PDE4D: variants seen among roughly 807,000 people sequenced by gnomAD.
PDE4D encodes the protein phosphodiesterase 4D.
Under a neutral mutation model 87.4 loss-of-function variants are expected in PDE4D, and 24 were observed. That is an observed-to-expected ratio of 0.27 (90% CI 0.20 to 0.39). The LOEUF (loss-of-function observed/expected upper bound fraction) is 0.39. PDE4D is among the 10% of genes least tolerant of loss of function. The pLI, the probability that PDE4D is intolerant of heterozygous loss-of-function variation, is 1.00. For missense variants in PDE4D, 714 were observed against 1,041.0 expected (o/e 0.69, Z 4.32); for synonymous variants, 384 against 383.2 (o/e 1.00, Z -0.02).
intron 1 of PDE4D, among the ~76,000 whole-genome samples, chr5:59,781,281 C>CTA: frequency 6.7e-6 from 1 of 150,346 alleles, no homozygotes; most frequent in East Asian, 2.0e-4. Context: ...TATGTAGGAA[C>CTA]TATGTCTTAC....
intron 3 of PDE4D, among the ~76,000 whole-genome samples, chr5:59,899,124 T>G (rs1014076910): frequency 5.9e-5 from 9 of 152,190 alleles, no homozygotes; most frequent in Non-Finnish European, 1.2e-4. Flanking sequence ...CATACATTAT[T>G]TTATTTAATT....
At chr5:59,387,564 G>A (rs771165967) in intron 1 of PDE4D, among the ~76,000 whole-genome samples, 56 of 152,152 alleles carry the variant, frequency 3.7e-4, no homozygotes, top group African/African-American at 5.3e-4. Context: ...TTAGGGTGGC[G>A]TATGGTTAGG....
At chr5:59,405,746 G>C (rs549574159) in intron 1 of PDE4D, among the ~76,000 whole-genome samples, 1 of 152,172 alleles carries the variant, frequency 6.6e-6, no homozygotes. Flanking sequence ...TATCATGAAG[G>C]GATGTTGAAT....
At chr5:60,394,879 T>A (rs1461521564) in intron 1 of PDE4D, among the ~76,000 whole-genome samples, 1 of 152,204 alleles carries the variant, frequency 6.6e-6, no homozygotes. Flanking sequence ...GTTTTCCACA[T>A]CTTGCTCCGG....
intron 1 of PDE4D, among the ~76,000 whole-genome samples, chr5:60,274,363 T>C (rs774078766): frequency 1.3e-5 from 2 of 151,446 alleles, no homozygotes; most frequent in African/African-American, 4.9e-5. Flanking sequence ...TTGTTGTTGT[T>C]GTTGTTTTGA....
chr5:60,351,739 T>G (rs1759210206), intron 1 of PDE4D, among the ~76,000 whole-genome samples: 1 of 152,090 alleles, frequency 6.6e-6, no homozygotes, highest in African/African-American at 2.4e-5. Flanking sequence ...AAGCAATGAA[T>G]AGTCTCTCAC....
chr5:60,510,253 C>A (rs1352678259), intron 1 of PDE4D, among the ~76,000 whole-genome samples: 1 of 152,176 alleles, frequency 6.6e-6, no homozygotes, highest in Non-Finnish European at 1.5e-5. Flanking sequence ...AGAAAGAGAA[C>A]ACAGAAAGGA....
chr5:59,904,591 A>T (rs1162549077), intron 3 of PDE4D, among the ~76,000 whole-genome samples: 1 of 152,296 alleles, frequency 6.6e-6, no homozygotes, highest in South Asian at 2.1e-4. Context: ...AGTGATAACA[A>T]ATGTGATACT....
At chr5:60,453,455 T>C (rs1350163852) in intron 1 of PDE4D, among the ~76,000 whole-genome samples, 2 of 152,136 alleles carry the variant, frequency 1.3e-5, no homozygotes, top group African/African-American at 4.8e-5. Context: ...AAAGAGATCA[T>C]AAATGTCTTA....
intron 5 of PDE4D, among the ~76,000 whole-genome samples, chr5:59,177,108 C>T (rs1400793289): frequency 6.6e-6 from 1 of 152,088 alleles, no homozygotes; most frequent in Non-Finnish European, 1.5e-5. Context: ...ATATCCTAAC[C>T]CAATATGTGT....
intron 11 of PDE4D, among the ~76,000 whole-genome samples, chr5:58,982,253 G>C (rs1030930158): frequency 6.6e-6 from 1 of 152,164 alleles, no homozygotes; most frequent in Non-Finnish European, 1.5e-5. Flanking sequence ...TGCTGATTCA[G>C]AGCATATATG....
chr5:59,877,966 A>G (rs1042989439), intron 1 of PDE4D, among the ~76,000 whole-genome samples: 6 of 152,188 alleles, frequency 3.9e-5, no homozygotes, highest in African/African-American at 1.4e-4. Context: ...CAGTGTTTGA[A>G]GAATTTCCAG....
intron 1 of PDE4D, among the ~76,000 whole-genome samples, chr5:60,212,595 C>G (rs1303148456): frequency 1.3e-5 from 2 of 152,072 alleles, no homozygotes; most frequent in Non-Finnish European, 2.9e-5. Context: ...ATGGAAAAAG[C>G]CTGCCTAACA....
chr5:59,164,438 G>A (rs1167382967), intron 5 of PDE4D, among the ~76,000 whole-genome samples: 3 of 152,146 alleles, frequency 2.0e-5, no homozygotes, highest in Non-Finnish European at 2.9e-5. Context: ...CAGATGCTAG[G>A]TTTCGTGCTT....
At chr5:60,294,217 T>A (rs1562296296) in intron 1 of PDE4D, among the ~76,000 whole-genome samples, 1 of 152,180 alleles carries the variant, frequency 6.6e-6, no homozygotes, top group African/African-American at 2.4e-5. Context: ...TCATTGGCCA[T>A]TTGTATATTT....
intron 1 of PDE4D, among the ~76,000 whole-genome samples, chr5:59,229,727 A>G (rs1262857448): frequency 6.6e-6 from 1 of 152,230 alleles, no homozygotes; most frequent in Admixed American, 6.5e-5. Flanking sequence ...AGGTAATTAC[A>G]TATCAGGAAA....
intron 1 of PDE4D, among the ~76,000 whole-genome samples, chr5:60,244,537 G>A (rs1747489362): frequency 6.6e-6 from 1 of 151,902 alleles, no homozygotes; most frequent in Non-Finnish European, 1.5e-5. Context: ...CACATTACCT[G>A]ACTTCCAAAT....
At chr5:59,356,792 C>G (rs1378673509) in intron 1 of PDE4D, 1 of 1,571,306 alleles carries the variant, frequency 6.4e-7, no homozygotes, top group South Asian at 1.2e-5. Context: ...CTTGATTTGG[C>G]TCTTGTAGAT....
intron 1 of PDE4D, among the ~76,000 whole-genome samples, chr5:59,243,382 A>AATAAAT (rs1054993146): frequency 6.6e-5 from 10 of 151,774 alleles, no homozygotes; most frequent in African/African-American, 2.4e-4. Flanking sequence ...TTTAAATATT[A>AATAAAT]ATAAATATAT....
Sources: allele counts gnomAD v4.1 joint callset (sites outside exome capture counted in the v4.1 genomes callset), GRCh38; gene constraint gnomAD v4.1.1; transcripts MANE v1.5; gene names NCBI Gene and HGNC (gene_info 2026-07-23, HGNC 2026-07-21).